Variants in KAT6B observed in about 807,000 individuals in gnomAD.
KAT6B encodes the protein histone acetyltransferase KAT6B.
In KAT6B, 10 loss-of-function variants were observed where a neutral mutation model predicts 187.5. That is an observed-to-expected ratio of 0.05 (90% CI 0.03 to 0.09). KAT6B has a LOEUF of 0.09. Among genes scored for constraint, KAT6B ranks in the 10% least tolerant of loss-of-function variants. The pLI, the probability that KAT6B is intolerant of heterozygous loss-of-function variation, is 1.00. For synonymous variants in KAT6B, 861 were observed against 926.8 expected (o/e 0.93, Z 1.29); for missense variants, 1,952 against 2,558.9 (o/e 0.76, Z 5.12).
intron 11 of KAT6B, chr10:74,983,098 C>T (rs1842615416): frequency 6.6e-6 from 1 of 152,114 alleles, no homozygotes; most frequent in African/African-American, 2.4e-5. Flanking sequence ...TCAGCTCTTT[C>T]GGTAAGCTTG....
intron 3 of KAT6B, among the ~76,000 whole-genome samples, chr10:74,888,968 G>A (rs949480215): frequency 3.3e-5 from 5 of 152,152 alleles, no homozygotes; most frequent in African/African-American, 1.2e-4. Context: ...TCTAAAACAT[G>A]CTTTTCAGAT....
At chr10:74,906,404 A>G (rs1846761118) in intron 3 of KAT6B, among the ~76,000 whole-genome samples, 1 of 152,130 alleles carries the variant, frequency 6.6e-6, no homozygotes, top group South Asian at 2.1e-4. Flanking sequence ...TCAAAAAAAA[A>G]ATCTTTTTTT....
intron 7 of KAT6B, among the ~76,000 whole-genome samples, 194 bp from the exon 8 acceptor site, chr10:74,975,205 G>A (rs1458360370): frequency 6.6e-6 from 1 of 152,030 alleles, no homozygotes; most frequent in Non-Finnish European, 1.5e-5. Context: ...GATGGGCCCT[G>A]GAAGAACCAT....
chr10:74,828,220 G>C (rs1172288703), intron 1 of KAT6B, among the ~76,000 whole-genome samples: 1 of 152,138 alleles, frequency 6.6e-6, no homozygotes, highest in African/African-American at 2.4e-5. Context: ...GTGTTGGGAC[G>C]TGTTAAAGAG....
intron 3 of KAT6B, among the ~76,000 whole-genome samples, chr10:74,914,712 A>AT (rs1176928002): frequency 3.9e-5 from 6 of 152,130 alleles, no homozygotes; most frequent in Admixed American, 3.3e-4. Flanking sequence ...GCAAATTGAT[A>AT]TTTTTTTCTG....
intron 2 of KAT6B, among the ~76,000 whole-genome samples, chr10:74,841,541 G>A (rs111320476): frequency 0.016 from 2,479 of 151,874 alleles, 59 homozygotes; most frequent in African/African-American, 0.057. Flanking sequence ...CTCCAGCCTG[G>A]GTGACAGAGC....
chr10:74,913,020 GATAA>G (rs375149826), intron 3 of KAT6B, among the ~76,000 whole-genome samples: 43 of 152,296 alleles, frequency 2.8e-4, no homozygotes, highest in African/African-American at 1.0e-3. Context: ...TAATCCTGGA[GATAA>G]ATAAGTGTCA....
At chr10:75,012,317 T>G (rs1022834369) in intron 13 of KAT6B, among the ~76,000 whole-genome samples, 1 of 152,074 alleles carries the variant, frequency 6.6e-6, no homozygotes, top group Non-Finnish European at 1.5e-5. Flanking sequence ...CATGGTGGTA[T>G]GCACTTGTTG....
intron 3 of KAT6B, among the ~76,000 whole-genome samples, chr10:74,852,013 A>G (rs1177784243): frequency 2.0e-5 from 3 of 152,112 alleles, no homozygotes; most frequent in Non-Finnish European, 4.4e-5. Flanking sequence ...AGGACTATTC[A>G]TTAGTCCATA....
intron 11 of KAT6B, 112 bp from the exon 12 acceptor site, chr10:74,984,968 T>C: frequency 9.9e-7 from 1 of 1,013,736 alleles, no homozygotes; most frequent in Non-Finnish European, 1.5e-6. Context: ...AATCTCTCAG[T>C]TTAGGATTTG....
chr10:74,933,453 C>A (rs1200197650), intron 3 of KAT6B, among the ~76,000 whole-genome samples: 1 of 152,202 alleles, frequency 6.6e-6, no homozygotes, highest in Non-Finnish European at 1.5e-5. Flanking sequence ...TGAGCCCCAA[C>A]TGCAAGATAG....
At chr10:74,828,688 C>T (rs1019978748) in intron 1 of KAT6B, among the ~76,000 whole-genome samples, 1 of 151,606 alleles carries the variant, frequency 6.6e-6, no homozygotes, top group Non-Finnish European at 1.5e-5. Context: ...CTGCCTCAGC[C>T]TCCGGAGTAG....
intron 3 of KAT6B, among the ~76,000 whole-genome samples, chr10:74,891,240 G>A (rs972220932): frequency 1.3e-5 from 2 of 152,212 alleles, no homozygotes; most frequent in Non-Finnish European, 2.9e-5. Flanking sequence ...ATGTTAGCTG[G>A]TGCTGCTACT....
chr10:74,866,108 CAT>C (rs906007371), intron 3 of KAT6B, among the ~76,000 whole-genome samples: 1 of 151,976 alleles, frequency 6.6e-6, no homozygotes, highest in African/African-American at 2.4e-5. Flanking sequence ...ACTGATCCCT[CAT>C]GTATAACAAG....
chr10:74,905,602 C>T (rs1589591965), intron 3 of KAT6B, among the ~76,000 whole-genome samples: 1 of 152,248 alleles, frequency 6.6e-6, no homozygotes, highest in East Asian at 1.9e-4. Context: ...GTCTGCCAGA[C>T]TCTGTTTTCT....
chr10:74,845,524 AAAAAAAAAAAAAAAC>A (rs978088374), intron 3 of KAT6B, among the ~76,000 whole-genome samples: 1 of 148,392 alleles, frequency 6.7e-6, no homozygotes, highest in Non-Finnish European at 1.5e-5. Context: ...TCTGTCTCAA[AAAAAAAAAAAAAAAC>A]AAAAAAAAAA....
chr10:74,863,023 C>T (rs906941463), intron 3 of KAT6B, among the ~76,000 whole-genome samples: 12 of 152,172 alleles, frequency 7.9e-5, no homozygotes, highest in African/African-American at 2.9e-4. Context: ...CCTTCCACCC[C>T]ACCTCATGTT....
In KAT6B at chr10:75,029,554, G is replaced by A. The variant is rs757242396; in HGVS notation, c.4730G>A (p.Arg1577His). Residue 1577 changes from arginine (R) to histidine (H), a missense_variant, in exon 18 of 18, where the codon CGT (arginine) becomes CAT (histidine). By Grantham distance (29) the Arg-to-His change is conservative. Coordinates refer to ENST00000287239, the MANE Select transcript of KAT6B (RefSeq NM_012330.4). This position sits in a 1 kb window ranked among gnomAD's most constrained non-coding sequence, Gnocchi z 6.2. The part of the protein sequence containing the change: ...EACRSLQNYT[R>H]ADQSPQIATT... ...TGTAGAAGCCTACAGAACTACACCC[G>A]TGCAGACCAAAGTCCACAGATTGCC... The A allele has an allele frequency of 1.1e-5, 17 of 1,613,954 alleles. No homozygotes were observed. Among genetic ancestry groups the A allele is most frequent in the East Asian group, 2.2e-5 (1 of 44,892 alleles).
chr10:74,935,015 G>A (rs1438134038), intron 3 of KAT6B, among the ~76,000 whole-genome samples: 2 of 152,238 alleles, frequency 1.3e-5, no homozygotes, highest in African/African-American at 4.8e-5. Flanking sequence ...GAGATGAACT[G>A]CCTGAGTTGG....
Sources: allele counts gnomAD v4.1 joint callset (sites outside exome capture counted in the v4.1 genomes callset), GRCh38; gene constraint gnomAD v4.1.1; non-coding constraint Gnocchi (gnomAD v3.1); transcripts MANE v1.5; gene names NCBI Gene and HGNC (gene_info 2026-07-23, HGNC 2026-07-21).